The following CDK6 variants were observed in gnomAD, a reference collection of about 807,000 sequenced individuals.
The protein encoded by CDK6 is cyclin-dependent kinase 6.
A neutral mutation model predicts 37.1 loss-of-function variants in CDK6; 6 were observed. That is an observed-to-expected ratio of 0.16 (90% CI 0.09 to 0.32). CDK6 has a LOEUF of 0.32. Among genes scored for constraint, CDK6 ranks in the 10% least tolerant of loss-of-function variants. The pLI is 1.00. For synonymous variants in CDK6, 160 were observed against 161.3 expected (o/e 0.99, Z 0.06); for missense variants, 224 against 418.9 (o/e 0.53, Z 4.06).
chr7:92,661,839 A>G (rs1483698399), intron 5 of CDK6, among the ~76,000 whole-genome samples: 1 of 152,182 alleles, frequency 6.6e-6, no homozygotes, highest in Non-Finnish European at 1.5e-5. Context: ...TATGTTGTTC[A>G]AGGGTCAACT....
chr7:92,661,827 C>T (rs187749870), intron 5 of CDK6, among the ~76,000 whole-genome samples: 26 of 152,174 alleles, frequency 1.7e-4, no homozygotes, highest in Non-Finnish European at 3.4e-4. Context: ...GTAGTTCAAA[C>T]CTATGTTGTT....
At chr7:92,777,994 C>T (rs1429893701) in intron 2 of CDK6, among the ~76,000 whole-genome samples, 2 of 151,880 alleles carry the variant, frequency 1.3e-5, no homozygotes, top group Non-Finnish European at 2.9e-5. Context: ...ACTTTTAATG[C>T]CTTGCTGGTT....
At chr7:92,812,204 A>T (rs1048660974) in intron 2 of CDK6, among the ~76,000 whole-genome samples, 1 of 152,166 alleles carries the variant, frequency 6.6e-6, no homozygotes, top group African/African-American at 2.4e-5. Flanking sequence ...ATCACTTAAT[A>T]TGTGTCCTAA....
intron 4 of CDK6, among the ~76,000 whole-genome samples, chr7:92,702,823 A>G (rs1269833784): frequency 1.3e-5 from 2 of 152,138 alleles, no homozygotes; most frequent in Non-Finnish European, 2.9e-5. Flanking sequence ...GTAGCCAGGC[A>G]TAACTATGTT....
Position 92,833,034 on chromosome 7 carries a change from C to A in CDK6, c.233+57G>T. On this transcript the variant is annotated intron_variant, in intron 2 of 7. Transcript: ENST00000424848. This position sits in a 1 kb window ranked among gnomAD's most constrained non-coding sequence, Gnocchi z 6.1. Reference sequence around the variant, plus strand: ...TTTCTGGGCCTGAGGATTCCCGGCTCGGCCCTCCCCGCGCGCGCGAGGCCC... The same window carrying A: ...TTTCTGGGCCTGAGGATTCCCGGCTAGGCCCTCCCCGCGCGCGCGAGGCCC... The A allele has an allele frequency of 7.9e-7, 1 of 1,269,018 alleles. No individual in the cohort carries two copies. 78.6% of individuals were successfully genotyped at this position (1,269,018 alleles called of 1,614,324 possible). A position where few individuals can be genotyped will look rare whatever the true frequency, so the allele number is the denominator to read the frequency against.
At chr7:92,826,849 A>G (rs1232982761) in intron 2 of CDK6, among the ~76,000 whole-genome samples, 1 of 152,172 alleles carries the variant, frequency 6.6e-6, no homozygotes, top group African/African-American at 2.4e-5. Context: ...TAAAATTTCA[A>G]TCAATCAGGA....
intron 4 of CDK6, among the ~76,000 whole-genome samples, chr7:92,672,616 A>C (rs970758895): frequency 7.0e-5 from 10 of 142,298 alleles, no homozygotes; most frequent in African/African-American, 2.6e-4. Flanking sequence ...GGTTCAAGTG[A>C]TTCCTTTTGT....
intron 3 of CDK6, among the ~76,000 whole-genome samples, chr7:92,746,778 T>C (rs1371707206): frequency 1.3e-5 from 2 of 152,186 alleles, no homozygotes; most frequent in Non-Finnish European, 2.9e-5. Context: ...TTTGCTTGCC[T>C]CAATATGATG....
intron 2 of CDK6, among the ~76,000 whole-genome samples, chr7:92,788,488 T>C (rs1043570834): frequency 1.3e-5 from 2 of 152,226 alleles, no homozygotes; most frequent in South Asian, 2.1e-4. Context: ...CTTGGTAACA[T>C]GCATTGAACA....
chr7:92,673,135 T>G (rs1370460007), intron 4 of CDK6, among the ~76,000 whole-genome samples: 1 of 152,202 alleles, frequency 6.6e-6, no homozygotes, highest in African/African-American at 2.4e-5. Context: ...ACAGCCCCAG[T>G]TGAGCTCTCA....
At chr7:92,631,261 T>TGGGAAACCTCTCTGTCCC in intron 5 of CDK6, among the ~76,000 whole-genome samples, 1 of 152,112 alleles carries the variant, frequency 6.6e-6, no homozygotes. Flanking sequence ...TGCTGTGTCC[T>TGGGAAACCTCTCTGTCCC]GGGAAACCTC....
At chr7:92,745,997 C>G (rs906983157) in intron 3 of CDK6, among the ~76,000 whole-genome samples, 8 of 152,132 alleles carry the variant, frequency 5.3e-5, no homozygotes, top group African/African-American at 7.2e-5. Context: ...ATGAGATATA[C>G]ATGTACTTCA....
intron 5 of CDK6, among the ~76,000 whole-genome samples, chr7:92,668,925 A>G (rs1797016659): frequency 6.6e-6 from 1 of 152,230 alleles, no homozygotes; most frequent in African/African-American, 2.4e-5. Flanking sequence ...TCCTCCTTCA[A>G]GCAATTATTT....
chr7:92,829,207 G>C (rs1275425354), intron 2 of CDK6, among the ~76,000 whole-genome samples: 1 of 152,104 alleles, frequency 6.6e-6, no homozygotes, highest in African/African-American at 2.4e-5. Context: ...GAGAAAATTA[G>C]AAAACTCTCC....
At chr7:92,753,620 G>C (rs1799241056) in intron 3 of CDK6, among the ~76,000 whole-genome samples, 1 of 152,118 alleles carries the variant, frequency 6.6e-6, no homozygotes, top group African/African-American at 2.4e-5. Flanking sequence ...AGCCTCCCGA[G>C]TAGCTGGGAT....
At chr7:92,616,661 GT>G (rs1184916257) in intron 7 of CDK6, among the ~76,000 whole-genome samples, 2 of 152,170 alleles carry the variant, frequency 1.3e-5, no homozygotes, top group Non-Finnish European at 2.9e-5. Flanking sequence ...AGAAAATTAG[GT>G]AGTGGCATTT....
At chr7:92,725,374 C>T in intron 4 of CDK6, 1 of 956,546 alleles carries the variant, frequency 1.0e-6, no homozygotes, top group Non-Finnish European at 1.2e-6. Context: ...GTAACTGATT[C>T]CTGTCCAGTG....
At chr7:92,789,949 T>G (rs1474463091) in intron 2 of CDK6, among the ~76,000 whole-genome samples, 1 of 152,132 alleles carries the variant, frequency 6.6e-6, no homozygotes, top group Non-Finnish European at 1.5e-5. Flanking sequence ...GGACCTATTC[T>G]CTTCTTCCCC....
At chr7:92,645,349 G>A (rs1229174976) in intron 5 of CDK6, among the ~76,000 whole-genome samples, 1 of 152,176 alleles carries the variant, frequency 6.6e-6, no homozygotes, top group African/African-American at 2.4e-5. Flanking sequence ...AAAAAGATGA[G>A]GCTTATCTTG....
Sources: gnomAD v4.1 joint callset for allele counts (sites outside exome capture counted in the v4.1 genomes callset) on GRCh38, gnomAD v4.1.1 for gene constraint, Gnocchi (gnomAD v3.1) non-coding constraint, MANE v1.5 for transcripts, NCBI Gene and HGNC (gene_info 2026-07-23, HGNC 2026-07-21) for gene names.